Variants in JPH2 observed in about 807,000 individuals in gnomAD.
JPH2 encodes the protein junctophilin 2, also known as junctophilin-2.
Under a neutral mutation model 55.9 loss-of-function variants are expected in JPH2, and 38 were observed. The ratio of observed to expected loss-of-function variants is 0.68; its 90% CI spans 0.52 to 0.89. The LOEUF (loss-of-function observed/expected upper bound fraction) is 0.89, where lower values mean the gene tolerates loss of function less well. JPH2 is among the 40% of genes least tolerant of loss of function. The pLI is 0.00. For missense variants in JPH2, 964 were observed against 1,037.6 expected (o/e 0.93, Z 0.97); for synonymous variants, 480 against 472.4 (o/e 1.02, Z -0.21).
intron 1 of JPH2, among the ~76,000 whole-genome samples, chr20:44,179,219 A>G (rs2145897132): frequency 6.6e-6 from 1 of 152,372 alleles, no homozygotes; most frequent in Admixed American, 6.5e-5. Context: ...ATAGAATAAA[A>G]GAGAAAATAG....
At chr20:44,173,295 T>TTACA (rs1028632582) in intron 1 of JPH2, among the ~76,000 whole-genome samples, 11 of 152,120 alleles carry the variant, frequency 7.2e-5, no homozygotes, top group African/African-American at 2.2e-4. Flanking sequence ...TTTTGAACTT[T>TTACA]TACATTCTGA....
chr20:44,178,348 A>G (rs1337683023), intron 1 of JPH2, among the ~76,000 whole-genome samples: 1 of 152,264 alleles, frequency 6.6e-6, no homozygotes, highest in Non-Finnish European at 1.5e-5. Context: ...GCCGTTTACA[A>G]TAGCACAGAA....
intron 2 of JPH2, among the ~76,000 whole-genome samples, chr20:44,138,744 T>C (rs2072435415): frequency 6.6e-6 from 1 of 152,168 alleles, no homozygotes; most frequent in South Asian, 2.1e-4. Context: ...CTGTATTCTT[T>C]TTCTTCTTCT....
At chr20:44,144,608 A>T (rs943730196) in intron 2 of JPH2, among the ~76,000 whole-genome samples, 15 of 152,054 alleles carry the variant, frequency 9.9e-5, no homozygotes, top group African/African-American at 3.6e-4. Context: ...ACCGAGGTCT[A>T]GGCACGGAGT....
Position 44,110,884 on chromosome 20 carries a change from T to C in JPH2, c.*2634A>G, listed in dbSNP as rs1015668395. On this transcript the variant is annotated 3_prime_UTR_variant, in exon 6 of 6. Coordinates refer to ENST00000372980, the MANE Select transcript of JPH2 (RefSeq NM_020433.5). ...AGTGAGGGAGCACATGGCCCATCAG[T>C]GATAGGGCTGGGTTGGGTAGGGGAG... is the stretch of plus-strand genomic sequence containing the variant. Among the ~76,000 whole-genome samples, 55 of 152,122 alleles carry C rather than the reference T, an allele frequency of 3.6e-4. No individual in the cohort carries two copies. The highest frequency in any genetic ancestry group is 3.1e-3 in the Admixed American group (47 of 15,274).
chr20:44,116,291 G>C lies in JPH2; in HGVS notation c.1384C>G (p.Leu462Val), dbSNP rs1333055507. Residue 462 changes from leucine to valine, a missense_variant, in exon 4 of 6, where the codon CTC becomes GTC. By Grantham distance (32) the Leu-to-Val change is conservative (BLOSUM62 1). Transcript: ENST00000372980. ...PPDRGAGAAG[L>V]PQPPRESPQL... ...GGGCTCTCGCGGGGCGGCTGTGGGA[G>C]GCCCGCTGCGCCGGCGCCCCGGTCG... 9 of 1,538,244 alleles carry C rather than the reference G, an allele frequency of 5.9e-6. No individual in the cohort carries two copies. Among genetic ancestry groups the C allele is most frequent in the Non-Finnish European group, 7.0e-6 (8 of 1,144,796 alleles).
At chr20:44,144,882 C>T (rs2072482561) in intron 2 of JPH2, among the ~76,000 whole-genome samples, 1 of 152,198 alleles carries the variant, frequency 6.6e-6, no homozygotes, top group Non-Finnish European at 1.5e-5. Context: ...ATGCCAGGCA[C>T]TGCTCCCAGC....
At chr20:44,155,009 A>G (rs764763406) in intron 2 of JPH2, among the ~76,000 whole-genome samples, 13 of 76,492 alleles carry the variant, frequency 1.7e-4, no homozygotes, top group Non-Finnish European at 3.2e-4. Flanking sequence ...TCTCGGTGGG[A>G]GCTCAAAACC....
At position 44,116,221 on chromosome 20, in the gene JPH2, G is replaced by T; in HGVS notation, c.1454C>A (p.Pro485Gln). 7.1e-7 allele frequency: 1 copy of T among 1,399,508 alleles called. No homozygotes were observed. Among genetic ancestry groups the T allele is most frequent in the Non-Finnish European group, 9.2e-7 (1 of 1,088,278 alleles). 86.7% of individuals were successfully genotyped at this position (1,399,508 alleles called of 1,614,324 possible). ...CTGCGGGGGCGTCCCGGCCGGTGAC[G>T]GGGAGCCACCCTCGGGCCGAGGGGT... ...RETPRPEGGS[P>Q]SPAGTPPQPK... Residue 485 changes from proline (P) to glutamine (Q), a missense_variant, in exon 4 of 6, where the codon CCG (proline) becomes CAG (glutamine). Transcript: ENST00000372980.
At chr20:44,169,883 C>G (rs1038502633) in intron 1 of JPH2, among the ~76,000 whole-genome samples, 3 of 152,026 alleles carry the variant, frequency 2.0e-5, no homozygotes, top group Non-Finnish European at 2.9e-5. Flanking sequence ...GCACACTCGG[C>G]CCTCTCATCA....
chr20:44,116,712 G>A (rs1009663641), intron 3 of JPH2, among the ~76,000 whole-genome samples: 3 of 152,190 alleles, frequency 2.0e-5, no homozygotes, highest in African/African-American at 7.2e-5. Flanking sequence ...CCTTTACTTT[G>A]GCACGCGTCT....
chr20:44,129,253 A>G (rs1248941133), intron 2 of JPH2, among the ~76,000 whole-genome samples: 1 of 152,220 alleles, frequency 6.6e-6, no homozygotes, highest in African/African-American at 2.4e-5. Flanking sequence ...CGGGCAAAGT[A>G]ATAAGTGTTG....
chr20:44,127,393 A>G (rs1271941404), intron 2 of JPH2, among the ~76,000 whole-genome samples: 1 of 152,026 alleles, frequency 6.6e-6, no homozygotes, highest in African/African-American at 2.4e-5. Context: ...ACTGGTCTTG[A>G]GATGGCTGTA....
In JPH2 at chr20:44,119,773, C is replaced by G. The variant is rs2072221433; in HGVS notation, c.1170-1150G>C. ...CCTGTAGTCCCAGGTACTCGGGAGG[C>G]TAAGGCAGGAGAATGGCATGAACCC... On this transcript the variant is annotated intron_variant, in intron 2 of 5. Coordinates refer to ENST00000372980, the MANE Select transcript of JPH2 (RefSeq NM_020433.5). Among the ~76,000 whole-genome samples, 2 of 150,738 alleles carry G rather than the reference C, an allele frequency of 1.3e-5. 1 individual carries two copies.
chr20:44,154,517 C>T (rs1029019262), intron 2 of JPH2, among the ~76,000 whole-genome samples: 1 of 152,210 alleles, frequency 6.6e-6, no homozygotes. Context: ...CTTTTTCAAT[C>T]CATAGCTCAT....
intron 2 of JPH2, among the ~76,000 whole-genome samples, chr20:44,151,748 TCAAAGCCCGTA>T (rs2145872595): frequency 6.6e-6 from 1 of 152,214 alleles, no homozygotes; most frequent in South Asian, 2.1e-4. Flanking sequence ...CACCAGGCAT[TCAAAGCCCGTA>T]CTAACCTGGC....
At chr20:44,155,306 CA>C (rs1455283041) in intron 2 of JPH2, among the ~76,000 whole-genome samples, 1 of 152,126 alleles carries the variant, frequency 6.6e-6, no homozygotes, top group Non-Finnish European at 1.5e-5. Context: ...GCTGGGGTTC[CA>C]ATTCATGGTC....
intron 1 of JPH2, among the ~76,000 whole-genome samples, chr20:44,170,975 A>G (rs73908586): frequency 0.013 from 2,014 of 152,268 alleles, 43 homozygotes; most frequent in African/African-American, 0.046. Flanking sequence ...TTCTCCCTCG[A>G]TGATGACAGT....
At chr20:44,178,016 G>A (rs1379993780) in intron 1 of JPH2, 1 of 841,418 alleles carries the variant, frequency 1.2e-6, no homozygotes, top group Non-Finnish European at 2.1e-6. Flanking sequence ...GTTACATGGT[G>A]CACCCAGGTT....
Sources: allele counts gnomAD v4.1 joint callset (sites outside exome capture counted in the v4.1 genomes callset), GRCh38; gene constraint gnomAD v4.1.1; transcripts MANE v1.5; gene names NCBI Gene and HGNC (gene_info 2026-07-23, HGNC 2026-07-21).